The following NEB variants were observed in gnomAD, a reference collection of about 807,000 sequenced individuals.
NEB encodes the protein nebulin, also known as nemaline myopathy type 2.
Under a neutral mutation model 952.2 loss-of-function variants are expected in NEB, and 512 were observed. The observed-to-expected ratio is 0.54, with a 90% confidence interval of 0.50 to 0.58. The LOEUF is 0.58. Ranked by LOEUF, NEB falls within the 20% of genes least tolerant of loss-of-function variation. NEB has a pLI of 0.00. For synonymous variants in NEB, 2,900 were observed against 3,149.8 expected, an observed-to-expected ratio of 0.92 and a Z score of 2.66; for missense variants, 8,428 against 9,231.1, an observed-to-expected ratio of 0.91 and a Z score of 3.56.
At chr2:151,715,269 G>A (rs985684953) in intron 10 of NEB, among the ~76,000 whole-genome samples, 11 of 152,192 alleles carry the variant, frequency 7.2e-5, no homozygotes, top group African/African-American at 2.4e-4. Context: ...ACTGAACCCA[G>A]TAGATCTGAA....
chr2:151,570,611 A>G lies in NEB; in HGVS notation c.17014-10T>C, dbSNP rs752534946. The G allele has an allele frequency of 6.4e-7, 1 of 1,572,464 alleles. No individual in the cohort carries two copies. The highest frequency in any genetic ancestry group is 1.2e-5 in the South Asian group (1 of 85,392). ...CCTCACGGTAAAGTTTCTGAAAAGG[A>G]GAAAAATAAGGTATCATCCTAGATT... On this transcript the variant is annotated splice_polypyrimidine_tract_variant and intron_variant, in intron 107 of 181. Transcript: ENST00000397345.
chr2:151,669,332 C>A (rs2099257962), intron 38 of NEB, among the ~76,000 whole-genome samples: 1 of 152,152 alleles, frequency 6.6e-6, no homozygotes. Context: ...GCACTGTGGG[C>A]CAGGCAGGGT....
chr2:151,494,839 G>T (rs1026762159), intron 173 of NEB: 1 of 152,494 alleles, frequency 6.6e-6, no homozygotes, highest in Admixed American at 6.6e-5. Flanking sequence ...TAGTAGAGAC[G>T]GGGTTTCACT....
intron 74 of NEB, 128 bp from the exon 75 acceptor site, chr2:151,617,596 G>T: frequency 3.6e-6 from 2 of 550,546 alleles, no homozygotes; most frequent in East Asian, 2.9e-5. Context: ...TATTAAAGCT[G>T]CATAAATTCC....
chr2:151,552,812 A>C (rs1374715318), intron 127 of NEB, 36 bp from the exon 128 acceptor site: 1 of 1,496,318 alleles, frequency 6.7e-7, no homozygotes, highest in South Asian at 1.2e-5. Flanking sequence ...ATGTTGGACC[A>C]TTCCTTATGC....
intron 8 of NEB, 44 bp downstream of exon 8, chr2:151,724,216 G>C (rs1325948886): frequency 7.2e-7 from 1 of 1,390,892 alleles, no homozygotes; most frequent in Non-Finnish European, 1.0e-6. Flanking sequence ...ATATATGATG[G>C]GATGACATAG....
At position 151,576,300 on chromosome 2, in the gene NEB, C is replaced by T; in HGVS notation, c.16759G>A (p.Gly5587Arg). The T allele has an allele frequency of 6.2e-7, 1 of 1,609,860 alleles. No homozygotes were observed. The highest frequency in any genetic ancestry group is 1.3e-5 in the African/African-American group (1 of 74,704). Residue 5587 changes from glycine to arginine, a missense_variant, in exon 106 of 182, where the codon GGG becomes AGG. This residue lies in a region of NEB where 3,374 missense variants were observed against 3,651.5 expected (regional missense o/e 0.92). Transcript: ENST00000397345. ...WLRGIGWMPQ[G>R]SPEVLRVKNA... is the part of the protein sequence containing the mutation. The stretch of plus-strand genomic sequence containing the variant: ...TTGACTCTCAACACTTCAGGAGACC[C>T]TTGGGGCATCCAGCCAATGCCACGC...
chr2:151,550,491 G>A (rs986561853), intron 129 of NEB, among the ~76,000 whole-genome samples: 4 of 152,090 alleles, frequency 2.6e-5, no homozygotes, highest in Non-Finnish European at 5.9e-5. Flanking sequence ...CAAACACAGT[G>A]TGTTGACATC....
chr2:151,696,284 A>C (rs538176117), intron 17 of NEB, among the ~76,000 whole-genome samples: 1 of 152,270 alleles, frequency 6.6e-6, no homozygotes, highest in Non-Finnish European at 1.5e-5. Flanking sequence ...CTTACTCTTC[A>C]AAACAGCCAC....
At chr2:151,489,787 T>C (rs1172051211) in intron 181 of NEB, among the ~76,000 whole-genome samples, 184 bp downstream of exon 181, 1 of 152,172 alleles carries the variant, frequency 6.6e-6, no homozygotes, top group Non-Finnish European at 1.5e-5. Flanking sequence ...AATAATGCTT[T>C]TCATTAATTT....
In NEB at chr2:151,640,595, G is replaced by C; in HGVS notation, c.8445C>G (p.Pro2815=). ...HIGARAIRDD[P]KMMWSMHVAK... Reference sequence around the variant, plus strand: ...CCACGTGCATGGACCACATCATCTTGGGGTCATCACGTATAGCTCGGGCAC... The same window carrying C: ...CCACGTGCATGGACCACATCATCTTCGGGTCATCACGTATAGCTCGGGCAC... The change falls in exon 61 of 182, where the codon CCC becomes CCG. Residue 2815 remains proline (P), a synonymous_variant. Transcript: ENST00000397345. 6.2e-7 allele frequency: 1 copy of C among 1,613,870 alleles called. No individual in the cohort carries two copies. Among genetic ancestry groups the C allele is most frequent in the Non-Finnish European group, 8.5e-7 (1 of 1,179,852 alleles).
At chr2:151,709,399 G>C (rs968469453) in intron 12 of NEB, among the ~76,000 whole-genome samples, 1 of 152,178 alleles carries the variant, frequency 6.6e-6, no homozygotes, top group Non-Finnish European at 1.5e-5. Context: ...ATTGAAGATG[G>C]TAATTAGATG....
intron 80 of NEB, 50 bp from the exon 81 acceptor site, chr2:151,610,170 C>T (rs1214220512): frequency 1.4e-6 from 2 of 1,438,900 alleles, no homozygotes; most frequent in Admixed American, 4.2e-5. Context: ...AAACCATGCT[C>T]ATGTGCTGAC....
intron 78 of NEB, 73 bp downstream of exon 78, chr2:151,612,113 G>A: frequency 1.3e-6 from 2 of 1,482,796 alleles, no homozygotes; most frequent in Non-Finnish European, 1.9e-6. Context: ...GGAATCCTTA[G>A]GGAATTTCCT....
At chr2:151,631,935 C>G (rs34579746) in intron 65 of NEB, among the ~76,000 whole-genome samples, 6,391 of 152,188 alleles carry the variant, frequency 0.042, 318 homozygotes, top group East Asian at 0.2. Context: ...ATCTGTAATG[C>G]CTTTAAAAAC....
chr2:151,686,918 T>C (rs1046769946), intron 27 of NEB, among the ~76,000 whole-genome samples: 3 of 152,164 alleles, frequency 2.0e-5, no homozygotes, highest in East Asian at 1.9e-4. Flanking sequence ...ATTTTCTAGA[T>C]AGATGATTCA....
chr2:151,515,033 CT>C, intron 157 of NEB, 105 bp from the exon 158 acceptor site: 1 of 690,136 alleles, frequency 1.4e-6, no homozygotes, highest in Non-Finnish European at 2.5e-6. Flanking sequence ...TGTATGGGCT[CT>C]TAATCATAGT....
Position 151,628,658 on chromosome 2 carries a change from T to C in NEB, c.9832-824A>G, listed in dbSNP as rs1000245807. On this transcript the variant is annotated intron_variant, in intron 68 of 181. Transcript: ENST00000397345. ...GAGTTTGAGACCAGCCTAGCCAACA[T>C]GGTGCAACGCTGTCTCTACTAAAAA... Among the ~76,000 whole-genome samples the C allele has an allele frequency of 2.6e-5, 4 of 152,134 alleles. No individual in the cohort carries two copies. The South Asian group carries it at 6.2e-4, about 24-fold the overall frequency.
At chr2:151,646,420 A>G (rs1351947977) in intron 54 of NEB, among the ~76,000 whole-genome samples, 186 bp from the exon 55 acceptor site, 1 of 152,222 alleles carries the variant, frequency 6.6e-6, no homozygotes, top group Non-Finnish European at 1.5e-5. Context: ...CTGCCTTTCA[A>G]CACAGAGATT....
Sources: allele counts gnomAD v4.1 joint callset (sites outside exome capture counted in the v4.1 genomes callset), GRCh38; gene constraint gnomAD v4.1.1; regional missense constraint gnomAD v4.1.1; transcripts MANE v1.5; gene names NCBI Gene and HGNC (gene_info 2026-07-23, HGNC 2026-07-21).